NTRK3: variants seen among roughly 807,000 people sequenced by gnomAD.
NTRK3 encodes the protein NT-3 growth factor receptor.
Under a neutral mutation model 91.7 loss-of-function variants are expected in NTRK3, and 24 were observed. The ratio of observed to expected loss-of-function variants is 0.26; its 90% CI spans 0.19 to 0.37. NTRK3 has a LOEUF of 0.37. Ranked by LOEUF, NTRK3 falls within the 10% of genes least tolerant of loss-of-function variation. The pLI is 1.00. For missense variants in NTRK3, 880 were observed against 1,068.9 expected (o/e 0.82, Z 2.46); for synonymous variants, 483 against 404.0 (o/e 1.20, Z -2.34).
At position 88,204,308 on chromosome 15, in the gene NTRK3, C is replaced by T. The variant is rs140992118; in HGVS notation, c.249-20009G>A. On this transcript the variant is annotated intron_variant, in intron 3 of 18. Coordinates refer to ENST00000394480, the Ensembl canonical transcript of NTRK3. ...TTTCTCTCCTTCTGGCATACTCTCTCCCCTATTACCTTCTAACTTGAAAAA... is the reference window on the plus strand; with the variant it reads ...TTTCTCTCCTTCTGGCATACTCTCTTCCCTATTACCTTCTAACTTGAAAAA... Among the ~76,000 whole-genome samples, 354 of 152,286 alleles carry T rather than the reference C, an allele frequency of 2.3e-3. 4 individuals are homozygous for T. Among genetic ancestry groups the T allele is most frequent in the Non-Finnish European group, 3.4e-3 (232 of 68,022 alleles).
intron 16 of NTRK3, among the ~76,000 whole-genome samples, chr15:87,932,647 C>T (rs931855918): frequency 6.6e-6 from 1 of 152,052 alleles, no homozygotes; most frequent in Non-Finnish European, 1.5e-5. Context: ...ACTTAAGGCA[C>T]AAAGGGAGAA....
chr15:88,110,597 G>C (rs2051234151), intron 13 of NTRK3, among the ~76,000 whole-genome samples: 1 of 152,204 alleles, frequency 6.6e-6, no homozygotes, highest in Non-Finnish European at 1.5e-5. Flanking sequence ...TGGTACTGCA[G>C]TGAGCAAACA....
intron 10 of NTRK3, among the ~76,000 whole-genome samples, chr15:88,133,404 G>C (rs74488366): frequency 6.6e-6 from 1 of 152,262 alleles, no homozygotes; most frequent in East Asian, 1.9e-4. Context: ...GGCAGAAGGA[G>C]CCAGAGTGTC....
At chr15:88,114,300 T>A (rs4887360) in intron 13 of NTRK3, among the ~76,000 whole-genome samples, 96,153 of 152,040 alleles carry the variant, frequency 0.63, 31,559 homozygotes, top group African/African-American at 0.82. Flanking sequence ...AAGATGAAAT[T>A]AAAAAAATCC....
At chr15:87,947,197 C>T (rs2070636213) in intron 14 of NTRK3, among the ~76,000 whole-genome samples, 1 of 152,006 alleles carries the variant, frequency 6.6e-6, no homozygotes, top group Middle Eastern at 3.2e-3. Context: ...CTCTTAAACA[C>T]AATATGTTGC....
chr15:88,035,197 C>A (rs570112274), intron 13 of NTRK3, among the ~76,000 whole-genome samples: 6 of 152,246 alleles, frequency 3.9e-5, no homozygotes, highest in African/African-American at 1.4e-4. Context: ...TTGCAGGCAG[C>A]CAGTTCTGCT....
intron 14 of NTRK3, among the ~76,000 whole-genome samples, chr15:87,960,812 T>C (rs1241510767): frequency 6.6e-6 from 1 of 152,166 alleles, no homozygotes; most frequent in Admixed American, 6.5e-5. Flanking sequence ...AGTATTTCCT[T>C]GACCCGTCCT....
At chr15:87,997,289 C>T (rs977957530) in intron 14 of NTRK3, among the ~76,000 whole-genome samples, 8 of 152,256 alleles carry the variant, frequency 5.3e-5, no homozygotes, top group Admixed American at 4.6e-4. Flanking sequence ...GAGCTGTAAA[C>T]AATATTCAAC....
chr15:87,880,467 A>G (rs1189188585), intron 17 of NTRK3, 39 bp from the exon 19 acceptor site: 3 of 1,605,050 alleles, frequency 1.9e-6, no homozygotes, highest in Non-Finnish European at 2.6e-6. Context: ...GAGTGACCAG[A>G]TGGCCAGAAT....
chr15:88,167,771 T>C (rs1004626189), intron 5 of NTRK3, among the ~76,000 whole-genome samples: 20 of 152,132 alleles, frequency 1.3e-4, no homozygotes, highest in African/African-American at 3.9e-4. Flanking sequence ...TCACAGACGC[T>C]TTGGGAGACC....
At chr15:88,168,128 A>C (rs1417770516) in intron 5 of NTRK3, among the ~76,000 whole-genome samples, 1 of 152,174 alleles carries the variant, frequency 6.6e-6, no homozygotes, top group Non-Finnish European at 1.5e-5. Flanking sequence ...AATATTATGC[A>C]ACTTCTCATG....
At position 88,233,908 on chromosome 15, in the gene NTRK3, G is replaced by A. The variant is rs1028050027; in HGVS notation, c.248+21998C>T. Among the ~76,000 whole-genome samples the A allele has an allele frequency of 6.6e-6, 1 of 152,106 alleles. No individual in the cohort carries two copies. The highest frequency in any genetic ancestry group is 1.5e-5 in the Non-Finnish European group (1 of 68,022). ...AATCATTAAATAAGTGAGAACTGTTGGTAAATGTTGAGTCCCACTAGACAT... is the reference window on the plus strand; with the variant it reads ...AATCATTAAATAAGTGAGAACTGTTAGTAAATGTTGAGTCCCACTAGACAT... On this transcript the variant is annotated intron_variant, in intron 3 of 18. Coordinates refer to ENST00000394480, the Ensembl canonical transcript of NTRK3. This position sits in a 1 kb window ranked among gnomAD's most constrained non-coding sequence, Gnocchi z 4.2.
chr15:88,155,797 T>C (rs2043831453), intron 5 of NTRK3, among the ~76,000 whole-genome samples: 1 of 147,634 alleles, frequency 6.8e-6, no homozygotes, highest in South Asian at 2.1e-4. Context: ...ATTCAACTTG[T>C]AATCTATCAT....
intron 6 of NTRK3, among the ~76,000 whole-genome samples, chr15:88,143,439 G>A (rs1307087862): frequency 6.6e-6 from 1 of 152,144 alleles, no homozygotes; most frequent in East Asian, 1.9e-4. Flanking sequence ...CAAACTTCTG[G>A]CCTCCAGAAT....
At chr15:87,866,021 G>A (rs2064666415) in exon 19 of NTRK3, 2 of 231,202 alleles carry the variant, frequency 8.7e-6, no homozygotes, top group Admixed American at 5.7e-5. Context: ...CCAGAGAGTG[G>A]GCTCTATTTG....
intron 3 of NTRK3, among the ~76,000 whole-genome samples, chr15:88,226,681 T>C (rs1250214377): frequency 6.6e-5 from 10 of 152,208 alleles, no homozygotes; most frequent in Admixed American, 5.9e-4. Flanking sequence ...CAAATCTCCA[T>C]CAAACCCCCA....
chr15:88,010,596 G>A (rs981124556), intron 14 of NTRK3, among the ~76,000 whole-genome samples: 5 of 152,034 alleles, frequency 3.3e-5, no homozygotes, highest in African/African-American at 9.7e-5. Flanking sequence ...ATTACTAACA[G>A]ATTTTATTCC....
intron 6 of NTRK3, among the ~76,000 whole-genome samples, chr15:88,139,379 G>C (rs1033897607): frequency 1.3e-5 from 2 of 152,122 alleles, no homozygotes; most frequent in African/African-American, 4.8e-5. Context: ...CCAGAGGGAG[G>C]GGCACTTGGG....
exon 19 of NTRK3, chr15:87,876,408 T>C (rs1421497360): frequency 4.4e-6 from 1 of 228,734 alleles, no homozygotes; most frequent in Non-Finnish European, 8.7e-6. Flanking sequence ...TCCCCACATG[T>C]GCCTGTGGTG....
Sources: gnomAD v4.1 joint callset for allele counts (sites outside exome capture counted in the v4.1 genomes callset) on GRCh38, gnomAD v4.1.1 for gene constraint, Gnocchi (gnomAD v3.1) non-coding constraint, MANE v1.5 for transcripts, NCBI Gene and HGNC (gene_info 2026-07-23, HGNC 2026-07-21) for gene names.